The following TMED6 variants were observed in gnomAD, a reference collection of about 807,000 sequenced individuals.
TMED6 encodes the protein transmembrane emp24 domain-containing protein 6.
TMED6 carries 17 observed loss-of-function variants against 26.5 expected under a neutral mutation model. That is an observed-to-expected ratio of 0.64 (90% CI 0.44 to 0.96). The LOEUF (loss-of-function observed/expected upper bound fraction) is 0.96. Among genes scored for constraint, TMED6 ranks in the 40% least tolerant of loss-of-function variants. The probability of loss-of-function intolerance (pLI) is 0.00; values close to 1 mark genes in which losing one functional copy is unlikely to be tolerated. For missense variants in TMED6, 309 were observed against 296.5 expected (o/e 1.04, Z -0.31); for synonymous variants, 107 against 106.2 (o/e 1.01, Z -0.04).
intron 1 of TMED6, among the ~76,000 whole-genome samples, 162 bp downstream of exon 1, chr16:69,351,379 C>T (rs971495539): frequency 6.6e-6 from 1 of 152,118 alleles, no homozygotes; most frequent in Non-Finnish European, 1.5e-5. Context: ...TGATTATTCA[C>T]CCAGCTGGAG....
At position 69,347,793 on chromosome 16, in the gene TMED6, T is replaced by C. The variant is rs759366821; in HGVS notation, c.484A>G (p.Ile162Val). 6.2e-6 allele frequency: 10 copies of C among 1,614,094 alleles called. No homozygotes were observed. The highest frequency in any genetic ancestry group is 2.2e-5 in the South Asian group (2 of 91,070). The part of the protein sequence containing the change: ...RKQLNDTLDA[I>V]EDGTQKVQNN... ...TCCACAAAACACTTCCTTACCTCAA[T>C]TGCATCCAGAGTATCATTCAGTTGT... Residue 162 changes from isoleucine (I) to valine (V), a missense_variant, in exon 3 of 4, where the codon ATT becomes GTT. By Grantham distance (29) the Ile-to-Val change is conservative. Transcript: ENST00000288025.
chr16:69,347,781 T>G lies in TMED6; in HGVS notation c.489+7A>C, dbSNP rs1366464826. ...AGATGTTTCTCTTCCACAAAACACT[T>G]CCTTACCTCAATTGCATCCAGAGTA... On this transcript the variant is annotated splice_region_variant and intron_variant, in intron 3 of 3. Coordinates refer to ENST00000288025, the MANE Select transcript of TMED6 (RefSeq NM_144676.4). 6.2e-7 allele frequency: 1 copy of G among 1,614,000 alleles called. No individual in the cohort carries two copies. The highest frequency in any genetic ancestry group is 1.1e-5 in the South Asian group (1 of 91,054).
At chr16:69,345,068 G>T (rs1486132256) in intron 3 of TMED6, among the ~76,000 whole-genome samples, 1 of 152,000 alleles carries the variant, frequency 6.6e-6, no homozygotes, top group Non-Finnish European at 1.5e-5. Flanking sequence ...CAGCCTAGGT[G>T]ACAAAGCGAG....
rs2012742824 is a variant in TMED6, at chr16:69,349,563, C to CA, written c.301_302insT (p.Gly101ValfsTer7). The CA allele has an allele frequency of 4.3e-6, 7 of 1,613,840 alleles. No individual in the cohort carries two copies. In the African/African-American group the frequency reaches 8.0e-5, roughly 18 times the overall value. On this transcript the variant is annotated frameshift_variant, in exon 2 of 4. Transcript: ENST00000288025. LOFTEE classifies it high-confidence loss of function. ...AGAGAAGTTAATCTGGCCCCGAACACCCTGGGAGGTGTCTATGAGAAATCC... is the reference window on the plus strand; with the variant it reads ...AGAGAAGTTAATCTGGCCCCGAACACACCTGGGAGGTGTCTATGAGAAATCC...
intron 1 of TMED6, 41 bp from the exon 2 acceptor site, chr16:69,349,692 A>T: frequency 6.3e-7 from 1 of 1,596,820 alleles, no homozygotes; most frequent in Non-Finnish European, 8.6e-7. Context: ...CCCCTGCTAC[A>T]TCACGAGGAA....
intron 3 of TMED6, 116 bp downstream of exon 3, chr16:69,347,672 A>G: frequency 6.9e-7 from 1 of 1,443,684 alleles, no homozygotes; most frequent in Admixed American, 1.9e-5. Flanking sequence ...GTCATAATTT[A>G]TGAAGAAATT....
At chr16:69,350,161 A>G (rs1393204299) in intron 1 of TMED6, among the ~76,000 whole-genome samples, 1 of 150,998 alleles carries the variant, frequency 6.6e-6, no homozygotes, top group African/African-American at 2.4e-5. Flanking sequence ...AATCCCAGCT[A>G]CTTTGGAGGC....
At chr16:69,345,709 A>AAAATGGGC (rs1431444505) in intron 3 of TMED6, among the ~76,000 whole-genome samples, 1 of 149,538 alleles carries the variant, frequency 6.7e-6, no homozygotes. Flanking sequence ...AAAAAAAAGT[A>AAAATGGGC]AAATGGGCAA....
At chr16:69,350,816 A>G (rs1447092604) in intron 1 of TMED6, among the ~76,000 whole-genome samples, 4 of 152,204 alleles carry the variant, frequency 2.6e-5, no homozygotes, top group Non-Finnish European at 5.9e-5. Context: ...TGATAAGTTT[A>G]TTTAAAATAA....
At chr16:69,348,732 A>G (rs1337702629) in intron 2 of TMED6, among the ~76,000 whole-genome samples, 2 of 152,000 alleles carry the variant, frequency 1.3e-5, no homozygotes, top group Non-Finnish European at 2.9e-5. Context: ...CTCTTGCCTC[A>G]GCCTCCCAGG....
rs73564408 is a variant in TMED6 at position 69,351,471 on chromosome 16, A to G, written c.213+70T>C. On this transcript the variant is annotated intron_variant, in intron 1 of 3. Transcript: ENST00000288025. ...AGACAACCAGACCTTGTTTTGGCCT[A>G]AAACCTGACCCACTTTATGAGTAAA... is the stretch of plus-strand genomic sequence containing the variant. 7.7e-4 allele frequency: 1,152 copies of G among 1,496,080 alleles called. 6 individuals are homozygous for G. The African/African-American group carries it at 0.014, about 19-fold the overall frequency. The allele number at this position is 1,496,080 out of a possible 1,614,324, so 92.7% of individuals were successfully genotyped here.
In TMED6 at chr16:69,343,490, GAAT is replaced by G. The variant is rs754195813; in HGVS notation, c.637_639del (p.Ile213del). On this transcript the variant is annotated inframe_deletion, in exon 4 of 4. Transcript: ENST00000288025. ...AAATACAGTTGCAGGATCCCAGAAA[GAAT>G]AATAACAAGGCTCTGGGCTGTCGAC... is the stretch of plus-strand genomic sequence containing the variant. The G allele has an allele frequency of 6.2e-7, 1 of 1,614,156 alleles. No individual in the cohort carries two copies. Among genetic ancestry groups the G allele is most frequent in the Non-Finnish European group, 8.5e-7 (1 of 1,180,024 alleles).
chr16:69,346,976 T>G (rs2012695962), intron 3 of TMED6, among the ~76,000 whole-genome samples: 1 of 151,994 alleles, frequency 6.6e-6, no homozygotes, highest in East Asian at 1.9e-4. Flanking sequence ...AGGTTGAGGC[T>G]GCAGTGAGCT....
intron 3 of TMED6, among the ~76,000 whole-genome samples, chr16:69,347,541 G>T (rs2012705061): frequency 6.6e-6 from 1 of 152,114 alleles, no homozygotes; most frequent in African/African-American, 2.4e-5. Flanking sequence ...TGTATTTTTA[G>T]TAGAGACAGG....
In TMED6 at chr16:69,343,325, T is replaced by C. The variant is rs2012613003; in HGVS notation, c.*82A>G. ...GCAGACTAAAACATTAATGAGATAA[T>C]TGATTTTTGTCCCATAACATTACAA... is the stretch of plus-strand genomic sequence containing the variant. On this transcript the variant is annotated 3_prime_UTR_variant, in exon 4 of 4. Transcript: ENST00000288025. The C allele has an allele frequency of 4.9e-6, 6 of 1,231,536 alleles. No homozygotes were observed. In the South Asian group the frequency reaches 8.7e-5, roughly 18 times the overall value. 76.3% of individuals were successfully genotyped at this position (1,231,536 alleles called of 1,614,324 possible).
At chr16:69,344,811 G>A (rs1005751562) in intron 3 of TMED6, among the ~76,000 whole-genome samples, 70 of 151,720 alleles carry the variant, frequency 4.6e-4, no homozygotes, top group African/African-American at 1.4e-3. Context: ...AAAAGTGGCC[G>A]GGCACGGTGG....
chr16:69,348,663 C>G (rs1289095622), intron 2 of TMED6, among the ~76,000 whole-genome samples: 1 of 151,906 alleles, frequency 6.6e-6, no homozygotes, highest in African/African-American at 2.4e-5. Flanking sequence ...TTGCCCAGAC[C>G]GGAGTGCAAT....
chr16:69,344,842 A>G (rs76853976), intron 3 of TMED6, among the ~76,000 whole-genome samples: 1 of 151,484 alleles, frequency 6.6e-6, no homozygotes, highest in Non-Finnish European at 1.5e-5. Context: ...TAATCTTAGC[A>G]CTTTGGGAGG....
intron 3 of TMED6, among the ~76,000 whole-genome samples, chr16:69,346,437 CATGG>C (rs751104063): frequency 3.3e-5 from 5 of 152,158 alleles, no homozygotes; most frequent in Non-Finnish European, 4.4e-5. Flanking sequence ...CATGCTACAA[CATGG>C]ATGAACGTTG....
Sources: gnomAD v4.1 joint callset for allele counts (sites outside exome capture counted in the v4.1 genomes callset) on GRCh38, gnomAD v4.1.1 for gene constraint, MANE v1.5 for transcripts, NCBI Gene and HGNC (gene_info 2026-07-23, HGNC 2026-07-21) for gene names.